RAB10: variants seen among roughly 807,000 people sequenced by gnomAD.
RAB10 encodes the protein RAB10, member RAS oncogene family, also known as ras-related protein Rab-10.
Under a neutral mutation model 25.7 loss-of-function variants are expected in RAB10, and 5 were observed. The ratio of observed to expected loss-of-function variants is 0.19; its 90% CI spans 0.10 to 0.41. RAB10 has a LOEUF of 0.41. Ranked by LOEUF, RAB10 falls within the 10% of genes least tolerant of loss-of-function variation. The pLI, the probability that RAB10 is intolerant of heterozygous loss-of-function variation, is 1.00. For synonymous variants in RAB10, 89 were observed against 86.4 expected (o/e 1.03, Z -0.16); for missense variants, 103 against 245.8 (o/e 0.42, Z 3.89).
At chr2:26,123,063 T>C (rs1667838964) in intron 3 of RAB10, among the ~76,000 whole-genome samples, 1 of 152,124 alleles carries the variant, frequency 6.6e-6, no homozygotes, top group Non-Finnish European at 1.5e-5. Context: ...CCCCAAGACC[T>C]GAAGGGAAAA....
intron 5 of RAB10, among the ~76,000 whole-genome samples, chr2:26,133,499 T>C (rs1668048008): frequency 6.6e-6 from 1 of 152,098 alleles, no homozygotes; most frequent in Admixed American, 6.6e-5. Flanking sequence ...CTTGGGAGTA[T>C]TATGTTCTAT....
At chr2:26,124,880 T>A (rs1347338631) in intron 3 of RAB10, among the ~76,000 whole-genome samples, 1 of 152,232 alleles carries the variant, frequency 6.6e-6, no homozygotes, top group Non-Finnish European at 1.5e-5. Context: ...TGTAAGTAAT[T>A]TACTTCATTT....
intron 1 of RAB10, among the ~76,000 whole-genome samples, chr2:26,050,249 G>A (rs1316955008): frequency 1.3e-5 from 2 of 152,142 alleles, no homozygotes; most frequent in Non-Finnish European, 2.9e-5. Flanking sequence ...TGTTTGACAA[G>A]GCATAGAGTT....
chr2:26,120,362 C>T (rs9808386), intron 3 of RAB10, among the ~76,000 whole-genome samples: 2,118 of 152,304 alleles, frequency 0.014, 51 homozygotes, highest in African/African-American at 0.049. Context: ...ACTTATACAA[C>T]TTGCAAAGTT....
intron 1 of RAB10, among the ~76,000 whole-genome samples, chr2:26,092,225 A>G (rs1667121354): frequency 1.3e-5 from 2 of 149,064 alleles, no homozygotes; most frequent in South Asian, 4.4e-4. Context: ...TGATCATTGG[A>G]TTTGGGAACA....
chr2:26,055,058 T>C (rs767317931), intron 1 of RAB10, among the ~76,000 whole-genome samples: 3 of 151,472 alleles, frequency 2.0e-5, no homozygotes, highest in Non-Finnish European at 4.4e-5. Context: ...AATTAAGTTA[T>C]AATCCCCTGT....
intron 1 of RAB10, among the ~76,000 whole-genome samples, chr2:26,058,172 A>G (rs1476816739): frequency 6.6e-6 from 1 of 152,128 alleles, no homozygotes; most frequent in East Asian, 1.9e-4. Context: ...GCTTCTCATT[A>G]TCTCCGCTGC....
chr2:26,105,270 A>T (rs1307187775), intron 2 of RAB10, among the ~76,000 whole-genome samples: 1 of 152,216 alleles, frequency 6.6e-6, no homozygotes, highest in Non-Finnish European at 1.5e-5. Context: ...GAATGCCAAC[A>T]AAAGGTATTG....
At chr2:26,097,614 C>T (rs748961057) in intron 1 of RAB10, among the ~76,000 whole-genome samples, 4 of 152,174 alleles carry the variant, frequency 2.6e-5, no homozygotes, top group South Asian at 2.1e-4. Flanking sequence ...ACTTCTTTTA[C>T]GACCCTTATG....
At chr2:26,046,450 A>G (rs10469962) in intron 1 of RAB10, among the ~76,000 whole-genome samples, 1,868 of 152,288 alleles carry the variant, frequency 0.012, 40 homozygotes, top group African/African-American at 0.043. Flanking sequence ...AGTGCAGTGT[A>G]TTTTGGGTTG....
At chr2:26,044,498 G>A (rs1020125774) in intron 1 of RAB10, among the ~76,000 whole-genome samples, 2 of 151,962 alleles carry the variant, frequency 1.3e-5, no homozygotes, top group Non-Finnish European at 2.9e-5. Context: ...AACTGAGACT[G>A]GTGAGGTGAA....
At chr2:26,062,693 A>AATAG (rs1666429361) in intron 1 of RAB10, among the ~76,000 whole-genome samples, 1 of 151,790 alleles carries the variant, frequency 6.6e-6, no homozygotes, top group South Asian at 2.1e-4. Context: ...TAAATAAATA[A>AATAG]ATAAATAAAT....
chr2:26,075,432 C>G (rs1457433374), intron 1 of RAB10, among the ~76,000 whole-genome samples: 3 of 152,014 alleles, frequency 2.0e-5, no homozygotes. Context: ...TGTTTTTGTG[C>G]TTTGACTGGA....
At chr2:26,110,058 C>T (rs995810469) in intron 3 of RAB10, 152 bp downstream of exon 3, 220 of 959,398 alleles carry the variant, frequency 2.3e-4, no homozygotes, top group Admixed American at 2.2e-3. Flanking sequence ...TAATGTTGGC[C>T]GGGCATGGTG....
chr2:26,108,883 T>C (rs955848824), intron 2 of RAB10, among the ~76,000 whole-genome samples: 12 of 9,022 alleles, frequency 1.3e-3, no homozygotes, highest in African/African-American at 7.7e-3. Flanking sequence ...TGCTTTATAT[T>C]TATTTATTTA....
chr2:26,091,285 GGAA>G (rs768807453), intron 1 of RAB10, among the ~76,000 whole-genome samples: 7 of 152,138 alleles, frequency 4.6e-5, no homozygotes, highest in Admixed American at 4.6e-4. Flanking sequence ...TTAAAAGTCA[GGAA>G]GAAGGTTAGA....
At chr2:26,114,060 C>T (rs2149285278) in intron 3 of RAB10, among the ~76,000 whole-genome samples, 1 of 152,082 alleles carries the variant, frequency 6.6e-6, no homozygotes, top group Non-Finnish European at 1.5e-5. Context: ...ACACAGAAAA[C>T]CACAAAATAT....
At chr2:26,112,350 C>T (rs1288566964) in intron 3 of RAB10, among the ~76,000 whole-genome samples, 1 of 152,062 alleles carries the variant, frequency 6.6e-6, no homozygotes, top group African/African-American at 2.4e-5. Flanking sequence ...CTCTGGAGAC[C>T]AGCCCCCATT....
At chr2:26,086,739 G>A (rs1284704188) in intron 1 of RAB10, among the ~76,000 whole-genome samples, 1 of 152,222 alleles carries the variant, frequency 6.6e-6, no homozygotes, top group Non-Finnish European at 1.5e-5. Context: ...TTTCCATCAG[G>A]AGATGATTGG....
Sources: gnomAD v4.1 joint callset for allele counts (sites outside exome capture counted in the v4.1 genomes callset) on GRCh38, gnomAD v4.1.1 for gene constraint, MANE v1.5 for transcripts, NCBI Gene and HGNC (gene_info 2026-07-23, HGNC 2026-07-21) for gene names.